FRMD4B: variants seen among roughly 807,000 people sequenced by gnomAD.
The protein encoded by FRMD4B is FERM domain-containing protein 4B.
FRMD4B carries 74 observed loss-of-function variants against 141.5 expected under a neutral mutation model. The observed-to-expected ratio is 0.52, with a 90% confidence interval of 0.43 to 0.63. FRMD4B has a LOEUF of 0.63. FRMD4B is among the 30% of genes least tolerant of loss of function. The pLI, the probability that FRMD4B is intolerant of heterozygous loss-of-function variation, is 0.00. For synonymous variants in FRMD4B, 506 were observed against 467.9 expected (o/e 1.08, Z -1.05); for missense variants, 1,366 against 1,253.4 (o/e 1.09, Z -1.36).
intron 19 of FRMD4B, among the ~76,000 whole-genome samples, chr3:69,183,546 G>C (rs989601163): frequency 3.7e-5 from 5 of 135,848 alleles, no homozygotes; most frequent in African/African-American, 1.4e-4. Context: ...GCAGTGGTGT[G>C]ATTTTGGCTC....
chr3:69,264,376 T>C (rs1417569807), intron 5 of FRMD4B, among the ~76,000 whole-genome samples: 1 of 152,204 alleles, frequency 6.6e-6, no homozygotes, highest in Non-Finnish European at 1.5e-5. Flanking sequence ...ATTTGTAGAA[T>C]AGCAACTGAA....
At chr3:69,478,041 A>G (rs200244686) in intron 1 of FRMD4B, among the ~76,000 whole-genome samples, 29,718 of 151,512 alleles carry the variant, frequency 0.2, 3,731 homozygotes, top group African/African-American at 0.36. Context: ...CTGAGGGATC[A>G]GTGGTGATAT....
chr3:69,260,418 G>T (rs2093518970), intron 5 of FRMD4B, among the ~76,000 whole-genome samples: 1 of 152,240 alleles, frequency 6.6e-6, no homozygotes, highest in Non-Finnish European at 1.5e-5. Flanking sequence ...TTAGCACCCA[G>T]CCAGCAGCTG....
intron 16 of FRMD4B, 140 bp from the exon 17 acceptor site, chr3:69,194,013 G>A: frequency 1.6e-6 from 1 of 617,262 alleles, no homozygotes; most frequent in Non-Finnish European, 2.8e-6. Flanking sequence ...TTACTGCATA[G>A]ACATCCTTGT....
chr3:69,242,336 A>T (rs2093390408), intron 7 of FRMD4B, among the ~76,000 whole-genome samples: 1 of 152,076 alleles, frequency 6.6e-6, no homozygotes, highest in African/African-American at 2.4e-5. Flanking sequence ...AGACTCTGGA[A>T]ATGAAATTAG....
At chr3:69,179,381 T>C (rs750037869) in intron 21 of FRMD4B, among the ~76,000 whole-genome samples, 8 of 152,326 alleles carry the variant, frequency 5.3e-5, no homozygotes, top group Non-Finnish European at 8.8e-5. Context: ...TAGTACTCTG[T>C]CTGTTCTGCC....
rs1453605963 is a variant in FRMD4B at position 69,420,309 on chromosome 3, C to T, written c.-1+12325G>A. On this transcript the variant is annotated intron_variant, in intron 2 of 5. Transcript: ENST00000459638. ...GGATATCAAAAAAAAAAAAAAACAA[C>T]CAAAACAACCCTACATTCTTTTCAC... Among the ~76,000 whole-genome samples the T allele has an allele frequency of 4.5e-5, 5 of 111,590 alleles. No individual in the cohort carries two copies. In the South Asian group the frequency reaches 1.2e-3, roughly 27 times the overall value. 73.2% of individuals were successfully genotyped at this position (111,590 alleles called of 152,430 possible).
At chr3:69,185,663 A>G (rs1416545604) in intron 19 of FRMD4B, among the ~76,000 whole-genome samples, 2 of 152,188 alleles carry the variant, frequency 1.3e-5, no homozygotes, top group African/African-American at 4.8e-5. Flanking sequence ...TAATGACAGT[A>G]GTAACACTAT....
At chr3:69,196,771 G>T in intron 13 of FRMD4B, 129 bp downstream of exon 13, 2 of 666,968 alleles carry the variant, frequency 3.0e-6, no homozygotes, top group Non-Finnish European at 2.5e-6. Flanking sequence ...TGAAATAGTT[G>T]GAAGTTAAAC....
intron 2 of FRMD4B, among the ~76,000 whole-genome samples, chr3:69,421,467 G>A (rs1410263543): frequency 6.6e-6 from 1 of 152,146 alleles, no homozygotes; most frequent in Non-Finnish European, 1.5e-5. Flanking sequence ...TCCAGTGAGG[G>A]CATTCCCAGT....
chr3:69,473,639 T>C (rs951025110), intron 1 of FRMD4B, among the ~76,000 whole-genome samples: 7 of 152,206 alleles, frequency 4.6e-5, no homozygotes, highest in Non-Finnish European at 1.0e-4. Flanking sequence ...TTTGTGTCCA[T>C]TGAAGATTTA....
At chr3:69,237,594 A>T (rs2093353622) in intron 7 of FRMD4B, among the ~76,000 whole-genome samples, 1 of 151,848 alleles carries the variant, frequency 6.6e-6, no homozygotes, top group Admixed American at 6.6e-5. Flanking sequence ...ATGCATTTCT[A>T]GGCTTCATGC....
chr3:69,303,804 C>G (rs528550911), intron 3 of FRMD4B, among the ~76,000 whole-genome samples: 20 of 151,988 alleles, frequency 1.3e-4, no homozygotes, highest in Non-Finnish European at 2.9e-4. Context: ...TGTGGTGGTG[C>G]ATGCCTGTTG....
intron 1 of FRMD4B, among the ~76,000 whole-genome samples, chr3:69,373,811 T>C (rs1257393459): frequency 1.3e-5 from 2 of 152,164 alleles, no homozygotes; most frequent in African/African-American, 4.8e-5. Flanking sequence ...AGCTTAACAC[T>C]GCAGTGAGCT....
intron 1 of FRMD4B, among the ~76,000 whole-genome samples, chr3:69,380,107 A>G (rs983900720): frequency 6.6e-6 from 1 of 152,218 alleles, no homozygotes; most frequent in Non-Finnish European, 1.5e-5. Context: ...CAGTTTGTGG[A>G]TCATTGGAGT....
chr3:69,453,680 G>A (rs1705536234), intron 1 of FRMD4B, among the ~76,000 whole-genome samples: 1 of 152,216 alleles, frequency 6.6e-6, no homozygotes, highest in South Asian at 2.1e-4. Flanking sequence ...ACATGGCCTG[G>A]CTGGGGTGCA....
Position 69,385,857 on chromosome 3 carries a change from TCCGCAGCACCTGGTGGCAAGC to T in FRMD4B, c.112_132del (p.Ala38_Arg44del). 1 of 1,596,700 alleles carries T rather than the reference TCCGCAGCACCTGGTGGCAAGC, an allele frequency of 6.3e-7. No homozygotes were observed. The highest frequency in any genetic ancestry group is 1.1e-5 in the South Asian group (1 of 87,452). ...TACACGTCCTGCAGCCCGCACCACGTCCGCAGCACCTGGTGGCAAGCCCGCAGCCTCTCCGTGTACCATCTC... is the reference window on the plus strand; with the variant it reads ...TACACGTCCTGCAGCCCGCACCACGTCCGCAGCCTCTCCGTGTACCATCTC... On this transcript the variant is annotated inframe_deletion, in exon 1 of 23. Coordinates refer to ENST00000398540, the MANE Select transcript of FRMD4B (RefSeq NM_015123.3).
At chr3:69,430,157 A>G (rs142107029) in intron 2 of FRMD4B, among the ~76,000 whole-genome samples, 6 of 152,234 alleles carry the variant, frequency 3.9e-5, no homozygotes, top group Non-Finnish European at 8.8e-5. Flanking sequence ...CAGGACTGAT[A>G]TTGAGTAGGA....
intron 1 of FRMD4B, among the ~76,000 whole-genome samples, chr3:69,330,575 G>C (rs1015502742): frequency 4.5e-4 from 68 of 151,528 alleles, no homozygotes; most frequent in African/African-American, 1.6e-3. Flanking sequence ...TCGAACTCCT[G>C]ACCTCGTGAT....
Sources: allele counts gnomAD v4.1 joint callset (sites outside exome capture counted in the v4.1 genomes callset), GRCh38; gene constraint gnomAD v4.1.1; transcripts MANE v1.5; gene names NCBI Gene and HGNC (gene_info 2026-07-23, HGNC 2026-07-21).